The following RIN2 variants were observed in gnomAD, a reference collection of about 807,000 sequenced individuals.
RIN2 encodes Ras and Rab interactor 2, also known as RAB5 interacting protein 2.
Under a neutral mutation model 78.0 loss-of-function variants are expected in RIN2, and 36 were observed. The ratio of observed to expected loss-of-function variants is 0.46; its 90% CI spans 0.35 to 0.61. The LOEUF is 0.61. Ranked by LOEUF, RIN2 falls within the 20% of genes least tolerant of loss-of-function variation. The probability of loss-of-function intolerance (pLI) is 0.00; values close to 1 mark genes in which losing one functional copy is unlikely to be tolerated. For synonymous variants in RIN2, 466 were observed against 466.8 expected (o/e 1.00, Z 0.02); for missense variants, 1,087 against 1,159.7 (o/e 0.94, Z 0.91).
chr20:19,922,908 C>A (rs916722509), intron 3 of RIN2, among the ~76,000 whole-genome samples: 4 of 152,218 alleles, frequency 2.6e-5, no homozygotes, highest in South Asian at 2.1e-4. Flanking sequence ...GCCCTCCCCC[C>A]ACCAGCACAC....
chr20:19,994,469 T>C (rs1211405483), intron 11 of RIN2, among the ~76,000 whole-genome samples: 2 of 152,232 alleles, frequency 1.3e-5, no homozygotes, highest in African/African-American at 4.8e-5. Context: ...ACAGCTCTTG[T>C]GGTAGGGTTA....
intron 12 of RIN2, among the ~76,000 whole-genome samples, chr20:19,998,239 C>T (rs1481089428): frequency 6.6e-6 from 1 of 151,994 alleles, no homozygotes; most frequent in African/African-American, 2.4e-5. Context: ...GCCTCAGCTT[C>T]CCAAAGTGCT....
Position 19,995,262 on chromosome 20 carries a change from A to T in RIN2, c.2201-1417A>T, listed in dbSNP as rs867815710. On this transcript the variant is annotated intron_variant, in intron 11 of 12. Coordinates refer to ENST00000255006, the MANE Select transcript of RIN2 (RefSeq NM_018993.4). Reference sequence around the variant, plus strand: ...AATTGCCAGTGTCTGTTTTTTTTTTAAAAAAAAAAAAAAAAACAAAACACA... The same window carrying T: ...AATTGCCAGTGTCTGTTTTTTTTTTTAAAAAAAAAAAAAAAACAAAACACA... Among the ~76,000 whole-genome samples, 781 of 80,708 alleles carry T rather than the reference A, an allele frequency of 9.7e-3. 2 individuals carry two copies. The highest frequency in any genetic ancestry group is 0.053 in the East Asian group (161 of 3,034). 52.9% of individuals were successfully genotyped at this position (80,708 alleles called of 152,430 possible). A position where few individuals can be genotyped will look rare whatever the true frequency, so the allele number is the denominator to read the frequency against.
intron 4 of RIN2, among the ~76,000 whole-genome samples, chr20:19,950,414 A>G (rs1167790464): frequency 6.6e-6 from 1 of 152,200 alleles, no homozygotes; most frequent in Non-Finnish European, 1.5e-5. Context: ...AGATATTATT[A>G]CTTCTCCTCC....
rs1171023344 is a variant in RIN2, at chr20:19,971,048, T to A, written c.628+119T>A. On this transcript the variant is annotated intron_variant, in intron 8 of 12. Transcript: ENST00000255006. ...CTCTCCAGCTTCTCCATCAGTGAGT[T>A]TGGGCTATCCAAAATGTTGACGTCC... 1.9e-5 allele frequency: 14 copies of A among 729,208 alleles called. No homozygotes were observed. In the Admixed American group the frequency reaches 3.4e-4, roughly 18 times the overall value. 45.2% of individuals were successfully genotyped at this position (729,208 alleles called of 1,614,324 possible).
At chr20:19,995,826 A>C (rs1256312382) in intron 11 of RIN2, among the ~76,000 whole-genome samples, 1 of 152,040 alleles carries the variant, frequency 6.6e-6, no homozygotes, top group Non-Finnish European at 1.5e-5. Context: ...ACTTTTTTTT[A>C]AACCAAATTC....
intron 3 of RIN2, among the ~76,000 whole-genome samples, chr20:19,926,544 C>T (rs1430563553): frequency 6.6e-6 from 1 of 151,952 alleles, no homozygotes; most frequent in Non-Finnish European, 1.5e-5. Context: ...ACCCACCACA[C>T]CAGGAGGCTC....
chr20:19,990,894 G>C (rs1377929120), intron 10 of RIN2, among the ~76,000 whole-genome samples: 2 of 152,128 alleles, frequency 1.3e-5, no homozygotes, highest in Non-Finnish European at 2.9e-5. Flanking sequence ...GCCCTTCTTT[G>C]CTACAAGCTG....
intron 3 of RIN2, among the ~76,000 whole-genome samples, chr20:19,933,069 C>T (rs1039385735): frequency 1.4e-4 from 21 of 152,196 alleles, no homozygotes; most frequent in Admixed American, 1.3e-4. Context: ...ACTACCACCT[C>T]GGTCCAAGCT....
rs192962144 is a variant in RIN2, at chr20:19,904,017, G to A, written c.57+14359G>A. Among the ~76,000 whole-genome samples the A allele has an allele frequency of 2.0e-4, 30 of 152,104 alleles. 1 individual carries two copies. Among genetic ancestry groups the A allele is most frequent in the Admixed American group, 8.5e-4 (13 of 15,282 alleles). ...TGTAATCCCAGCACTTTGGGAGGCC[G>A]AGGCGGGTAGATCACTTGAGGTCAG... On this transcript the variant is annotated intron_variant, in intron 3 of 12. Transcript: ENST00000255006.
intron 2 of RIN2, among the ~76,000 whole-genome samples, chr20:19,812,075 C>T (rs1645884854): frequency 7.1e-6 from 1 of 141,476 alleles, no homozygotes; most frequent in Non-Finnish European, 1.5e-5. Context: ...TTTTTTACCA[C>T]TGAATAGTAT....
chr20:19,977,844 G>T (rs1000601789), intron 9 of RIN2, among the ~76,000 whole-genome samples: 2 of 152,194 alleles, frequency 1.3e-5, no homozygotes, highest in Admixed American at 1.3e-4. Context: ...TTTTTCTGTG[G>T]GTTTGTTTGG....
chr20:19,850,346 G>A (rs1180977547), intron 2 of RIN2, among the ~76,000 whole-genome samples: 1 of 152,106 alleles, frequency 6.6e-6, no homozygotes, highest in Non-Finnish European at 1.5e-5. Flanking sequence ...CAGCTCCTCC[G>A]TGCAGGCTGT....
intron 2 of RIN2, among the ~76,000 whole-genome samples, chr20:19,841,912 T>A (rs1050894867): frequency 6.6e-6 from 1 of 152,214 alleles, no homozygotes; most frequent in South Asian, 2.1e-4. Context: ...TAATTGCAAC[T>A]CACTACACTA....
At position 19,909,199 on chromosome 20, in the gene RIN2, C is replaced by T. The variant is rs549254957; in HGVS notation, c.57+19541C>T. 6.1e-4 allele frequency among the ~76,000 whole-genome samples: 93 copies of T among 152,162 alleles called. 1 individual carries two copies. Among genetic ancestry groups the T allele is most frequent in the African/African-American group, 2.1e-3 (86 of 41,522 alleles). On this transcript the variant is annotated intron_variant, in intron 3 of 12. Transcript: ENST00000255006. ...TTTTTGTTAGTAACCCACTGAGGCC[C>T]ATAAAACAAACACACCTGTCATCAG...
chr20:19,834,442 C>T (rs990791801), intron 2 of RIN2, among the ~76,000 whole-genome samples: 2 of 152,144 alleles, frequency 1.3e-5, no homozygotes, highest in African/African-American at 4.8e-5. Context: ...TAACCCAAAT[C>T]GCACAGCTAG....
At chr20:19,850,312 C>CCT (rs1440175398) in intron 2 of RIN2, among the ~76,000 whole-genome samples, 36 of 152,276 alleles carry the variant, frequency 2.4e-4, no homozygotes, top group African/African-American at 7.9e-4. Flanking sequence ...GGGGTGGGTT[C>CCT]AGCTGTTGTC....
rs766893659 is a variant in RIN2 at position 19,886,650 on chromosome 20, T to A, written c.-36-2916T>A. On this transcript the variant is annotated intron_variant, in intron 2 of 12. Transcript: ENST00000255006. ...TTTTTTTGCTAGCTTTTAGCTAGTA[T>A]CTGGAAACATCTACTGGACATGTTG... The A allele has an allele frequency of 6.1e-6, 6 of 979,252 alleles. No individual in the cohort carries two copies. In the African/African-American group the frequency reaches 8.4e-5, roughly 14 times the overall value. The allele number at this position is 979,252 out of a possible 1,614,324, so 60.7% of individuals were successfully genotyped here.
intron 9 of RIN2, among the ~76,000 whole-genome samples, chr20:19,984,482 TGGGGCCA>T (rs1366858342): frequency 6.6e-6 from 1 of 152,080 alleles, no homozygotes; most frequent in African/African-American, 2.4e-5. Flanking sequence ...CAGAATCTCA[TGGGGCCA>T]GGCGTGGTGG....
Sources: allele counts gnomAD v4.1 joint callset (sites outside exome capture counted in the v4.1 genomes callset), GRCh38; gene constraint gnomAD v4.1.1; transcripts MANE v1.5; gene names NCBI Gene and HGNC (gene_info 2026-07-23, HGNC 2026-07-21).